TTPAL: variants seen among roughly 807,000 people sequenced by gnomAD.
TTPAL encodes the protein alpha tocopherol transfer protein like, also known as alpha-tocopherol transfer protein-like.
TTPAL carries 21 observed loss-of-function variants against 28.7 expected under a neutral mutation model. That is an observed-to-expected ratio of 0.73 (90% CI 0.52 to 1.06). The LOEUF (loss-of-function observed/expected upper bound fraction) is 1.06, where lower values mean the gene tolerates loss of function less well. Among genes scored for constraint, TTPAL ranks in the 50% least tolerant of loss-of-function variants. The pLI is 0.00. For synonymous variants in TTPAL, 169 were observed against 171.9 expected (o/e 0.98, Z 0.13); for missense variants, 345 against 425.5 (o/e 0.81, Z 1.67).
chr20:44,476,304 G>A (rs11699217), intron 1 of TTPAL, among the ~76,000 whole-genome samples: 13 of 152,324 alleles, frequency 8.5e-5, no homozygotes, highest in Non-Finnish European at 1.6e-4. Flanking sequence ...AATGGTGTCT[G>A]CATCTCACTC....
At chr20:44,487,898 A>G (rs553552785) in intron 4 of TTPAL, among the ~76,000 whole-genome samples, 7 of 152,310 alleles carry the variant, frequency 4.6e-5, no homozygotes, top group African/African-American at 1.7e-4. Flanking sequence ...CCTCCCCAGT[A>G]GCTGGGATTA....
intron 3 of TTPAL, among the ~76,000 whole-genome samples, chr20:44,484,832 G>A (rs560903772): frequency 5.9e-5 from 9 of 152,308 alleles, no homozygotes; most frequent in Admixed American, 1.3e-4. Context: ...AAACAAAACT[G>A]GCTGGGCGCG....
chr20:44,486,473 T>C, intron 3 of TTPAL, 123 bp from the exon 4 acceptor site: 1 of 651,904 alleles, frequency 1.5e-6, no homozygotes, highest in Non-Finnish European at 2.7e-6. Context: ...TGGACTGTCA[T>C]TGAGGAGGCC....
intron 1 of TTPAL, among the ~76,000 whole-genome samples, chr20:44,478,910 C>T (rs546413709): frequency 3.1e-4 from 47 of 152,310 alleles, no homozygotes; most frequent in African/African-American, 1.1e-3. Context: ...CTGCCTCAGC[C>T]TCCCTAGTAG....
In TTPAL at chr20:44,490,366, G is replaced by A. The variant is rs2064193607; in HGVS notation, c.*825G>A. On this transcript the variant is annotated 3_prime_UTR_variant, in exon 5 of 5. Transcript: ENST00000262605. The stretch of plus-strand genomic sequence containing the variant: ...ATCCCAGGTGTACAACTATGGACAA[G>A]ATATGGGCCTCTACTTTCTCCTCTA... The A allele has an allele frequency of 6.6e-6, 1 of 152,358 alleles. No individual in the cohort carries two copies. Among genetic ancestry groups the A allele is most frequent in the Non-Finnish European group, 1.5e-5 (1 of 68,040 alleles). 9.4% of individuals were successfully genotyped at this position (152,358 alleles called of 1,614,324 possible). A position where few individuals can be genotyped will look rare whatever the true frequency, so the allele number is the denominator to read the frequency against.
rs1223204956 is a variant in TTPAL, at chr20:44,489,511, T to A, written c.999T>A (p.Ala333=). 6.2e-7 allele frequency: 1 copy of A among 1,614,074 alleles called. No individual in the cohort carries two copies. Among genetic ancestry groups the A allele is most frequent in the Non-Finnish European group, 8.5e-7 (1 of 1,180,032 alleles). ...SDAQCDDSLR[A]VKSQLYSCY ...CACAGTGTGACGACTCCTTGCGAGC[T>A]GTGAAGTCACAGCTGTACTCCTGCT... The change falls in exon 5 of 5, where the codon GCT becomes GCA. Residue 333 remains alanine (A), a synonymous_variant. Coordinates refer to ENST00000262605, the MANE Select transcript of TTPAL (RefSeq NM_001039199.3).
At chr20:44,482,572 CAA>C (rs535832796) in intron 2 of TTPAL, among the ~76,000 whole-genome samples, 61 of 60,748 alleles carry the variant, frequency 1.0e-3, no homozygotes, top group Admixed American at 1.1e-3. Context: ...GACTCTGTCT[CAA>C]AAAAAAAAAA....
Position 44,494,202 on chromosome 20 carries a change from T to C in TTPAL, c.*4661T>C, listed in dbSNP as rs1002501124. On this transcript the variant is annotated 3_prime_UTR_variant, in exon 5 of 5. Transcript: ENST00000262605. ...AAATTCCTGTTTCATGGGGCTGTTTTTCTTTTCATCTCACTGGGCAGCAGG... is the reference window on the plus strand; with the variant it reads ...AAATTCCTGTTTCATGGGGCTGTTTCTCTTTTCATCTCACTGGGCAGCAGG... 10 of 151,934 alleles carry C rather than the reference T, an allele frequency of 6.6e-5. No individual in the cohort carries two copies. Among genetic ancestry groups the C allele is most frequent in the Non-Finnish European group, 1.2e-4 (8 of 67,902 alleles). The allele number at this position is 151,934 out of a possible 1,614,324, so 9.4% of individuals were successfully genotyped here.
chr20:44,480,058 AT>A lies in TTPAL; in HGVS notation c.60del (p.Asn20LysfsTer16). 6.2e-7 allele frequency: 1 copy of A among 1,614,194 alleles called. No individual in the cohort carries two copies. Among genetic ancestry groups the A allele is most frequent in the Non-Finnish European group, 8.5e-7 (1 of 1,180,034 alleles). On this transcript the variant is annotated frameshift_variant, in exon 2 of 5. Coordinates refer to ENST00000262605, the MANE Select transcript of TTPAL (RefSeq NM_001039199.3). LOFTEE classifies it high-confidence loss of function. This position sits in a 1 kb window ranked among gnomAD's most constrained non-coding sequence, Gnocchi z 4.1. ...TSPSVASLSE[N>X]ELPPPPEPPG... is the part of the protein sequence containing the mutation. ...CCTTCTGTGGCCTCACTCTCTGAAA[AT>A]GAGCTGCCACCACCACCTGAGCCTC... is the stretch of plus-strand genomic sequence containing the variant.
Position 44,486,581 on chromosome 20 carries a change from G to C in TTPAL, c.640-15G>C. On this transcript the variant is annotated splice_polypyrimidine_tract_variant and intron_variant, in intron 3 of 4. Coordinates refer to ENST00000262605, the MANE Select transcript of TTPAL (RefSeq NM_001039199.3). ...TTCTCCAGATGTTCTAAACCCCTTT[G>C]CCTTTCCCACACAGGATGGTTTCCC... is the stretch of plus-strand genomic sequence containing the variant. 1 of 1,524,098 alleles carries C rather than the reference G, an allele frequency of 6.6e-7. No homozygotes were observed. The highest frequency in any genetic ancestry group is 2.3e-5 in the East Asian group (1 of 44,432). 94.4% of individuals were successfully genotyped at this position (1,524,098 alleles called of 1,614,324 possible).
intron 1 of TTPAL, among the ~76,000 whole-genome samples, chr20:44,479,525 A>G (rs940450441): frequency 2.7e-5 from 4 of 150,670 alleles, no homozygotes; most frequent in Non-Finnish European, 5.9e-5. Flanking sequence ...TAGTCTCCCA[A>G]GTAGCTGAGA....
At chr20:44,484,233 C>A in intron 2 of TTPAL, 104 bp from the exon 3 acceptor site, 8 of 799,750 alleles carry the variant, frequency 1.0e-5, no homozygotes, top group Non-Finnish European at 1.5e-5. Context: ...GAATATCTTT[C>A]TTTTCCATTT....
At position 44,484,513 on chromosome 20, in the gene TTPAL, G is replaced by A; in HGVS notation, c.622G>A (p.Val208Met). Residue 208 changes from valine (V) to methionine (M), a missense_variant, in exon 3 of 5, where the codon GTG becomes ATG. Transcript: ENST00000262605. ...CTTTGGCCCTTTTATAGCCAAAAAG[G>A]TGATTGGCATCCTCCAGGTAAGACC... ...SHFGPFIAKKVIGILQDGFPI... is the reference protein window; with the variant it reads ...SHFGPFIAKKMIGILQDGFPI... 1 of 1,577,880 alleles carries A rather than the reference G, an allele frequency of 6.3e-7. No individual in the cohort carries two copies.
rs199950727 is a variant in TTPAL, at chr20:44,492,784, C to A, written c.*3243C>A. Reference sequence around the variant, plus strand: ...TGGGGGAGAGACTGGATGAAATCTACAAAAACAGCCAAAAGTGCCACCCTG... The same window carrying A: ...TGGGGGAGAGACTGGATGAAATCTAAAAAAACAGCCAAAAGTGCCACCCTG... On this transcript the variant is annotated 3_prime_UTR_variant, in exon 5 of 5. Coordinates refer to ENST00000262605, the MANE Select transcript of TTPAL (RefSeq NM_001039199.3). The A allele has an allele frequency of 1.3e-5, 2 of 152,306 alleles. No homozygotes were observed. The highest frequency in any genetic ancestry group is 4.1e-4 in the South Asian group (2 of 4,834). 9.4% of individuals were successfully genotyped at this position (152,306 alleles called of 1,614,324 possible).
rs1434147909 is a variant in TTPAL, at chr20:44,489,273, A to T, written c.761A>T (p.His254Leu). Residue 254 changes from histidine (H) to leucine (L), a missense_variant, in exon 5 of 5, where the codon CAT becomes CTT. His to Leu is a moderately conservative substitution (Grantham distance 99). Coordinates refer to ENST00000262605, the MANE Select transcript of TTPAL (RefSeq NM_001039199.3). ...KEKIANRFFL[H>L]GSDLNSLHTN... The stretch of plus-strand genomic sequence containing the variant: ...TTCATTCCCTTTTAGTTCTTCCTCC[A>T]TGGGTCTGACTTGAACTCTCTCCAC... The T allele has an allele frequency of 1.2e-6, 2 of 1,612,894 alleles. No homozygotes were observed. Among genetic ancestry groups the T allele is most frequent in the Non-Finnish European group, 1.7e-6 (2 of 1,178,968 alleles).
At chr20:44,487,399 G>A (rs918193688) in intron 4 of TTPAL, among the ~76,000 whole-genome samples, 1 of 152,166 alleles carries the variant, frequency 6.6e-6, no homozygotes, top group African/African-American at 2.4e-5. Flanking sequence ...CTTGAACAAT[G>A]GGCTATGGTC....
At chr20:44,484,034 T>C (rs1031343934) in intron 2 of TTPAL, among the ~76,000 whole-genome samples, 1 of 152,104 alleles carries the variant, frequency 6.6e-6, no homozygotes, top group Non-Finnish European at 1.5e-5. Context: ...TTATGCTTAA[T>C]TCCTCCCACC....
In TTPAL at chr20:44,489,570, T is replaced by C. The variant is rs200131931; in HGVS notation, c.*29T>C. On this transcript the variant is annotated 3_prime_UTR_variant, in exon 5 of 5. Transcript: ENST00000262605. The stretch of plus-strand genomic sequence containing the variant: ...GTCCCCCAGGGTCACCATCTTTAAT[T>C]CTTTTCCTTCTTTTCTTTGGAGAGG... 1.8e-5 allele frequency: 29 copies of C among 1,586,844 alleles called. No homozygotes were observed. The African/African-American group carries it at 3.4e-4, about 18-fold the overall frequency.
intron 2 of TTPAL, among the ~76,000 whole-genome samples, chr20:44,481,234 C>T (rs2064102225): frequency 6.6e-6 from 1 of 152,092 alleles, no homozygotes; most frequent in African/African-American, 2.4e-5. Context: ...GGCTCCCTGC[C>T]ACTAAAAGAG....
Sources: allele counts gnomAD v4.1 joint callset (sites outside exome capture counted in the v4.1 genomes callset), GRCh38; gene constraint gnomAD v4.1.1; non-coding constraint Gnocchi (gnomAD v3.1); transcripts MANE v1.5; gene names NCBI Gene and HGNC (gene_info 2026-07-23, HGNC 2026-07-21).